Variants in FGD4 observed in about 807,000 individuals in gnomAD.
The protein encoded by FGD4 is FYVE, RhoGEF and PH domain-containing protein 4.
FGD4 carries 42 observed loss-of-function variants against 102.0 expected under a neutral mutation model. The observed-to-expected ratio is 0.41, with a 90% CI of 0.32 to 0.53. The LOEUF (loss-of-function observed/expected upper bound fraction) is 0.53, where lower values mean the gene tolerates loss of function less well. FGD4 is among the 20% of genes least tolerant of loss of function. FGD4 has a pLI of 0.21. For missense variants in FGD4, 902 were observed against 1,078.2 expected (o/e 0.84, Z 2.29); for synonymous variants, 380 against 375.7 (o/e 1.01, Z -0.13).
In FGD4 at chr12:32,622,483, T is replaced by C. The variant is rs76474099; in HGVS notation, c.1923-1939T>C. Among the ~76,000 whole-genome samples the C allele has an allele frequency of 6.2e-3, 948 of 152,362 alleles. 8 individuals are homozygous for C. The highest frequency in any genetic ancestry group is 0.02 in the African/African-American group (833 of 41,586). ...TACCTCCCAATTCTTGTTGGAAATA[T>C]GGTTATTCTGTCTAAAATTTCTTAT... On this transcript the variant is annotated intron_variant, in intron 11 of 16. Transcript: ENST00000534526.
chr12:32,411,601 T>C (rs1941211934), intron 1 of FGD4, among the ~76,000 whole-genome samples: 1 of 151,716 alleles, frequency 6.6e-6, no homozygotes, highest in South Asian at 2.1e-4. Flanking sequence ...CCATATAAAT[T>C]ATAAGATACC....
chr12:32,494,409 C>T lies in FGD4; in HGVS notation c.167-69728C>T, dbSNP rs1293772236. On this transcript the variant is annotated intron_variant, in intron 1 of 16. Transcript: ENST00000534526. ...GTGAGGTCTTTTACCCACCTCCAGC[C>T]GTATAATCAGTAAAATATTATTTAG... Among the ~76,000 whole-genome samples, 4 of 152,006 alleles carry T rather than the reference C, an allele frequency of 2.6e-5. No individual in the cohort carries two copies. In the South Asian group the frequency reaches 6.2e-4, roughly 24 times the overall value.
At chr12:32,607,546 C>T (rs1315349164) in intron 7 of FGD4, among the ~76,000 whole-genome samples, 2 of 152,168 alleles carry the variant, frequency 1.3e-5, no homozygotes, top group African/African-American at 4.8e-5. Context: ...GACGGAGTCT[C>T]ACTCTGTCAC....
intron 1 of FGD4, among the ~76,000 whole-genome samples, chr12:32,411,265 G>A (rs982050101): frequency 6.6e-6 from 1 of 151,860 alleles, no homozygotes; most frequent in Non-Finnish European, 1.5e-5. Context: ...GGTGGGACGC[G>A]GTGGCTCAAG....
rs577064534 is a variant in FGD4, at chr12:32,437,766, A to G, written c.166+37807A>G. Among the ~76,000 whole-genome samples the G allele has an allele frequency of 3.3e-4, 50 of 152,348 alleles. No individual in the cohort carries two copies. In the South Asian group the frequency reaches 9.9e-3, roughly 30 times the overall value. The stretch of plus-strand genomic sequence containing the variant: ...TGCTATTGATGTTGAATACTATTTC[A>G]TCTTACCCTGCATACCACACAATAC... On this transcript the variant is annotated intron_variant, in intron 1 of 16. Coordinates refer to ENST00000534526, the MANE Select transcript of FGD4 (RefSeq NM_001370298.3).
At chr12:32,563,588 C>T (rs1202986814) in intron 1 of FGD4, among the ~76,000 whole-genome samples, 1 of 152,000 alleles carries the variant, frequency 6.6e-6, no homozygotes, top group African/African-American at 2.4e-5. Context: ...TCCTCACTTC[C>T]CAGACGGGGT....
At chr12:32,448,658 C>CAAAA (rs112621517) in intron 1 of FGD4, among the ~76,000 whole-genome samples, 24 of 85,614 alleles carry the variant, frequency 2.8e-4, no homozygotes, top group Admixed American at 1.4e-3. Flanking sequence ...AACTCCATCG[C>CAAAA]AAAAAAAAAA....
chr12:32,440,206 T>C (rs1450474118), intron 1 of FGD4, among the ~76,000 whole-genome samples: 1 of 152,208 alleles, frequency 6.6e-6, no homozygotes, highest in African/African-American at 2.4e-5. Flanking sequence ...CTGATGCTCG[T>C]AGATGTTCTT....
intron 1 of FGD4, among the ~76,000 whole-genome samples, chr12:32,434,396 T>C (rs553694271): frequency 6.6e-6 from 1 of 152,244 alleles, no homozygotes; most frequent in Admixed American, 6.5e-5. Flanking sequence ...TGAGCAGTAA[T>C]AGTTTTAAAT....
intron 1 of FGD4, among the ~76,000 whole-genome samples, chr12:32,486,592 A>G (rs904544672): frequency 2.6e-5 from 4 of 152,100 alleles, no homozygotes; most frequent in African/African-American, 9.7e-5. Context: ...TTATTTGTGC[A>G]CCTAATATTT....
intron 1 of FGD4, among the ~76,000 whole-genome samples, chr12:32,536,666 G>A (rs1942290202): frequency 6.6e-6 from 1 of 152,126 alleles, no homozygotes; most frequent in Non-Finnish European, 1.5e-5. Context: ...AAGTTAGTTG[G>A]TTATACGTTG....
intron 1 of FGD4, among the ~76,000 whole-genome samples, chr12:32,556,095 C>T (rs1477557835): frequency 1.3e-5 from 2 of 152,066 alleles, no homozygotes; most frequent in Non-Finnish European, 2.9e-5. Flanking sequence ...CTCTCCGTGG[C>T]GTCCCTAAGT....
chr12:32,557,932 G>A (rs1361317681), intron 1 of FGD4, among the ~76,000 whole-genome samples: 1 of 152,134 alleles, frequency 6.6e-6, no homozygotes, highest in Non-Finnish European at 1.5e-5. Flanking sequence ...TTATAATAAT[G>A]TTTTACAGTA....
At chr12:32,566,584 G>A (rs1945206268) in intron 2 of FGD4, among the ~76,000 whole-genome samples, 1 of 152,138 alleles carries the variant, frequency 6.6e-6, no homozygotes, top group African/African-American at 2.4e-5. Flanking sequence ...CATGCGCCAT[G>A]CAGGGACCAA....
intron 1 of FGD4, among the ~76,000 whole-genome samples, chr12:32,450,933 C>T (rs1385388883): frequency 6.6e-6 from 1 of 152,212 alleles, no homozygotes; most frequent in Non-Finnish European, 1.5e-5. Flanking sequence ...TGCTCCCTCC[C>T]TCTGTGCAGA....
chr12:32,412,031 G>C (rs1167746286), intron 1 of FGD4, among the ~76,000 whole-genome samples: 1 of 152,190 alleles, frequency 6.6e-6, no homozygotes, highest in South Asian at 2.1e-4. Context: ...ACGTGCACAC[G>C]TGAGAATCAC....
chr12:32,470,581 G>T (rs34382604), intron 1 of FGD4, among the ~76,000 whole-genome samples: 1 of 149,214 alleles, frequency 6.7e-6, no homozygotes, highest in Non-Finnish European at 1.5e-5. Flanking sequence ...AGCCTCCCTA[G>T]TAGCTGGGAG....
At chr12:32,631,550 G>T (rs1025454958) in intron 14 of FGD4, among the ~76,000 whole-genome samples, 2 of 149,368 alleles carry the variant, frequency 1.3e-5, no homozygotes, top group African/African-American at 5.0e-5. Context: ...TGTCACCCGG[G>T]CTGGAGTGCA....
chr12:32,639,475 T>C (rs1057149801), intron 16 of FGD4, among the ~76,000 whole-genome samples: 2 of 152,234 alleles, frequency 1.3e-5, no homozygotes, highest in African/African-American at 4.8e-5. Context: ...ATTTTGTTTT[T>C]TATTTTATTT....
Sources: gnomAD v4.1 joint callset for allele counts (sites outside exome capture counted in the v4.1 genomes callset) on GRCh38, gnomAD v4.1.1 for gene constraint, MANE v1.5 for transcripts, NCBI Gene and HGNC (gene_info 2026-07-23, HGNC 2026-07-21) for gene names.